CTNNA3: variants seen among roughly 807,000 people sequenced by gnomAD.
The protein encoded by CTNNA3 is catenin alpha 3.
Under a neutral mutation model 95.7 loss-of-function variants are expected in CTNNA3, and 76 were observed. The ratio of observed to expected loss-of-function variants is 0.79; its 90% confidence interval spans 0.66 to 0.96. The LOEUF is 0.96. Among genes scored for constraint, CTNNA3 ranks in the 40% least tolerant of loss-of-function variants. The pLI, the probability that CTNNA3 is intolerant of heterozygous loss-of-function variation, is 0.00. For missense variants in CTNNA3, 1,191 were observed against 1,089.8 expected, an observed-to-expected ratio of 1.09 and a Z score of -1.31; for synonymous variants, 431 against 374.4, an observed-to-expected ratio of 1.15 and a Z score of -1.74.
rs1022157628 is a variant in CTNNA3, at chr10:66,711,265, A to AC, written c.1281+54998_1281+54999insG. Among the ~76,000 whole-genome samples, 4 of 151,338 alleles carry AC rather than the reference A, an allele frequency of 2.6e-5. No homozygotes were observed. The East Asian group carries it at 5.8e-4, about 22-fold the overall frequency. ...TTCACCGTGAACAAGAAACAAAAAA[A>AC]AAAAAAAAAAAGTAAGAAACTTCAG... On this transcript the variant is annotated intron_variant, in intron 9 of 17. Transcript: ENST00000433211.
At chr10:67,182,544 G>A (rs1266514967) in intron 6 of CTNNA3, among the ~76,000 whole-genome samples, 1 of 151,854 alleles carries the variant, frequency 6.6e-6, no homozygotes, top group Non-Finnish European at 1.5e-5. Context: ...AATTCAAGAA[G>A]GATTAAAGAC....
At chr10:67,600,591 A>G (rs1406822833) in intron 3 of CTNNA3, among the ~76,000 whole-genome samples, 1 of 152,216 alleles carries the variant, frequency 6.6e-6, no homozygotes, top group Non-Finnish European at 1.5e-5. Context: ...CCAAGTTCAC[A>G]AGAATGTGGA....
intron 7 of CTNNA3, among the ~76,000 whole-genome samples, chr10:66,874,067 C>G (rs1363954548): frequency 6.6e-6 from 1 of 151,948 alleles, no homozygotes; most frequent in African/African-American, 2.4e-5. Context: ...TCCTAGAATT[C>G]ACATTCTAAA....
At chr10:67,091,102 A>C (rs1375015583) in intron 7 of CTNNA3, among the ~76,000 whole-genome samples, 3 of 152,008 alleles carry the variant, frequency 2.0e-5, no homozygotes, top group Non-Finnish European at 2.9e-5. Flanking sequence ...ACCAGCCTGT[A>C]TATAAAGGTC....
intron 1 of CTNNA3, among the ~76,000 whole-genome samples, chr10:67,729,249 A>C (rs1039149092): frequency 3.9e-5 from 6 of 152,092 alleles, no homozygotes; most frequent in African/African-American, 1.2e-4. Context: ...TCATAGGAGA[A>C]TCTCCAACAC....
chr10:66,583,593 AC>A (rs1843265642), intron 10 of CTNNA3, among the ~76,000 whole-genome samples: 1 of 151,418 alleles, frequency 6.6e-6, no homozygotes, highest in Non-Finnish European at 1.5e-5. Flanking sequence ...GTTTTAATCT[AC>A]CTAGTGTTCT....
intron 5 of CTNNA3, among the ~76,000 whole-genome samples, chr10:67,461,211 A>C (rs1333205316): frequency 6.6e-6 from 1 of 152,210 alleles, no homozygotes; most frequent in African/African-American, 2.4e-5. Context: ...AAATATCCCA[A>C]GAGGACATTG....
At chr10:67,261,165 CTATT>C (rs1018020187) in intron 5 of CTNNA3, among the ~76,000 whole-genome samples, 1 of 152,068 alleles carries the variant, frequency 6.6e-6, no homozygotes, top group South Asian at 2.1e-4. Flanking sequence ...CCTGACAACT[CTATT>C]TATTTATTTA....
At chr10:66,817,820 A>G (rs547107673) in intron 7 of CTNNA3, among the ~76,000 whole-genome samples, 2 of 151,986 alleles carry the variant, frequency 1.3e-5, no homozygotes, top group African/African-American at 4.8e-5. Context: ...CATTGACACT[A>G]AAACTAAAGA....
intron 1 of CTNNA3, among the ~76,000 whole-genome samples, chr10:67,677,846 T>C (rs1840561692): frequency 6.6e-6 from 1 of 152,154 alleles, no homozygotes; most frequent in Non-Finnish European, 1.5e-5. Context: ...TATGTGTCTC[T>C]TTTAGAAAGG....
rs182232966 is a variant in CTNNA3 at position 67,236,586 on chromosome 10, C to T, written c.580-16716G>A. 3.6e-3 allele frequency among the ~76,000 whole-genome samples: 545 copies of T among 151,510 alleles called. 2 individuals carry two copies. Among genetic ancestry groups the T allele is most frequent in the African/African-American group, 0.011 (474 of 41,242 alleles). ...AGATGACAAGTTAGTGGGTGTGGCG[C>T]GCCAACATGGCACATGTATACATAT... On this transcript the variant is annotated intron_variant, in intron 5 of 17. Transcript: ENST00000433211.
intron 14 of CTNNA3, among the ~76,000 whole-genome samples, chr10:66,071,777 T>C (rs76772397): frequency 6.6e-6 from 1 of 152,170 alleles, no homozygotes; most frequent in Admixed American, 6.6e-5. Flanking sequence ...AACACACTTT[T>C]TGAGTAAAGT....
At chr10:66,123,447 G>T (rs1421159243) in intron 13 of CTNNA3, among the ~76,000 whole-genome samples, 1 of 152,086 alleles carries the variant, frequency 6.6e-6, no homozygotes, top group East Asian at 1.9e-4. Flanking sequence ...TTTATGGGCT[G>T]GCATTGAGTG....
At chr10:66,901,047 G>A (rs571933006) in intron 7 of CTNNA3, among the ~76,000 whole-genome samples, 20 of 152,238 alleles carry the variant, frequency 1.3e-4, no homozygotes, top group South Asian at 8.3e-4. Context: ...GATACTCCTC[G>A]AGAAGAGCAA....
chr10:66,034,964 A>G (rs779933466), intron 15 of CTNNA3, among the ~76,000 whole-genome samples: 1 of 152,240 alleles, frequency 6.6e-6, no homozygotes, highest in Non-Finnish European at 1.5e-5. Flanking sequence ...ACTATTTTAT[A>G]TCACTCTCTT....
At chr10:67,603,172 A>T (rs1843144035) in intron 3 of CTNNA3, among the ~76,000 whole-genome samples, 1 of 152,234 alleles carries the variant, frequency 6.6e-6, no homozygotes, top group African/African-American at 2.4e-5. Context: ...CGGGGTCAGT[A>T]AACACTTCCT....
chr10:66,216,248 G>C (rs1266469327), intron 13 of CTNNA3, among the ~76,000 whole-genome samples: 1 of 152,200 alleles, frequency 6.6e-6, no homozygotes, highest in Non-Finnish European at 1.5e-5. Context: ...TTTGTATGTT[G>C]GTTATGCGGG....
chr10:66,288,197 A>T (rs1016157994), intron 12 of CTNNA3, among the ~76,000 whole-genome samples: 1 of 152,124 alleles, frequency 6.6e-6, no homozygotes, highest in Admixed American at 6.6e-5. Flanking sequence ...CTATCTTCAC[A>T]CACATTTTTA....
At chr10:65,994,048 T>C (rs2078597507) in intron 15 of CTNNA3, among the ~76,000 whole-genome samples, 1 of 152,208 alleles carries the variant, frequency 6.6e-6, no homozygotes, top group Admixed American at 6.5e-5. Flanking sequence ...AAGAGCAAAA[T>C]TTAATCCATT....
Sources: gnomAD v4.1 joint callset for allele counts (sites outside exome capture counted in the v4.1 genomes callset) on GRCh38, gnomAD v4.1.1 for gene constraint, MANE v1.5 for transcripts, NCBI Gene and HGNC (gene_info 2026-07-23, HGNC 2026-07-21) for gene names.